Variants in KAZN observed in about 807,000 individuals in gnomAD.
KAZN encodes the protein kazrin, periplakin interacting protein.
A neutral mutation model predicts 87.4 loss-of-function variants in KAZN; 40 were observed. That is an observed-to-expected ratio of 0.46 (90% CI 0.36 to 0.60). The LOEUF (loss-of-function observed/expected upper bound fraction) is 0.60, where lower values mean the gene tolerates loss of function less well. KAZN is among the 20% of genes least tolerant of loss of function. KAZN has a pLI of 0.00. For synonymous variants in KAZN, 466 were observed against 458.3 expected (o/e 1.02, Z -0.22); for missense variants, 898 against 1,073.9 (o/e 0.84, Z 2.29).
chr1:14,490,819 T>G (rs1181633219), intron 2 of KAZN, among the ~76,000 whole-genome samples: 1 of 152,248 alleles, frequency 6.6e-6, no homozygotes, highest in Admixed American at 6.5e-5. Context: ...TCACCTGCCA[T>G]GATGCTTCCA....
chr1:14,558,106 C>T (rs1315661878), intron 2 of KAZN, among the ~76,000 whole-genome samples: 1 of 152,194 alleles, frequency 6.6e-6, no homozygotes, highest in African/African-American at 2.4e-5. Flanking sequence ...TTTTCAAGTT[C>T]TACAGTCACA....
intron 1 of KAZN, among the ~76,000 whole-genome samples, chr1:14,702,066 A>T (rs1018730384): frequency 1.1e-4 from 17 of 152,214 alleles, no homozygotes; most frequent in African/African-American, 3.4e-4. Context: ...TCATATGAGT[A>T]CATGGGTCTG....
At chr1:14,642,461 G>A (rs1557858878) in intron 1 of KAZN, among the ~76,000 whole-genome samples, 1 of 152,118 alleles carries the variant, frequency 6.6e-6, no homozygotes, top group Non-Finnish European at 1.5e-5. Context: ...AGTTAACACG[G>A]CATGTGCTCA....
chr1:15,068,416 C>T (rs1325846241), intron 8 of KAZN, among the ~76,000 whole-genome samples: 2 of 152,158 alleles, frequency 1.3e-5, no homozygotes, highest in Non-Finnish European at 2.9e-5. Flanking sequence ...CCACCCCCGA[C>T]CTGGCACCCT....
intron 2 of KAZN, among the ~76,000 whole-genome samples, chr1:15,026,723 GA>G (rs35459848): frequency 0.62 from 92,580 of 150,094 alleles, 29,533 homozygotes; most frequent in African/African-American, 0.8. Context: ...AAATAATTTG[GA>G]AAAAAAAAAA....
intron 1 of KAZN, among the ~76,000 whole-genome samples, chr1:14,915,595 C>G (rs574589025): frequency 6.6e-6 from 1 of 152,176 alleles, no homozygotes; most frequent in East Asian, 1.9e-4. Context: ...CCCTCTGAGT[C>G]CCCCCTCTTT....
chr1:13,896,266 A>G (rs959763442), intron 1 of KAZN, among the ~76,000 whole-genome samples: 1 of 152,186 alleles, frequency 6.6e-6, no homozygotes, highest in Non-Finnish European at 1.5e-5. Context: ...AGCCACAGAC[A>G]AAGTGTATAC....
chr1:14,125,458 G>A (rs1422221486), intron 1 of KAZN, among the ~76,000 whole-genome samples: 2 of 152,168 alleles, frequency 1.3e-5, no homozygotes, highest in African/African-American at 4.8e-5. Flanking sequence ...GGATCGTCCA[G>A]GTGGGCTTAA....
intron 1 of KAZN, among the ~76,000 whole-genome samples, chr1:14,050,657 G>A (rs1642289799): frequency 6.6e-6 from 1 of 152,166 alleles, no homozygotes; most frequent in Admixed American, 6.5e-5. Flanking sequence ...AATTCGAGAT[G>A]AGATTTGGGT....
At chr1:14,849,902 A>G (rs186421942) in intron 1 of KAZN, among the ~76,000 whole-genome samples, 4 of 152,066 alleles carry the variant, frequency 2.6e-5, no homozygotes, top group Admixed American at 2.0e-4. Flanking sequence ...ACTGCTTGCA[A>G]TAAAGAAAGG....
intron 2 of KAZN, among the ~76,000 whole-genome samples, chr1:14,273,633 A>G (rs16853862): frequency 0.021 from 3,192 of 152,306 alleles, 121 homozygotes; most frequent in African/African-American, 0.072. Context: ...CAAAAATAAT[A>G]TCCTGTGTTC....
rs1481014429 is a variant in KAZN, at chr1:14,569,606, G to A, written c.250-29377G>A. Among the ~76,000 whole-genome samples the A allele has an allele frequency of 9.9e-5, 15 of 151,236 alleles. No individual in the cohort carries two copies. The East Asian group carries it at 3.0e-3, about 30-fold the overall frequency. ...CAAAGTGCTAGGATTACAGGCATGAGCCACCGCGCCCAGCCACCTCCTCTA... is the reference window on the plus strand; with the variant it reads ...CAAAGTGCTAGGATTACAGGCATGAACCACCGCGCCCAGCCACCTCCTCTA... On this transcript the variant is annotated intron_variant, in intron 2 of 16. Transcript: ENST00000636203.
At chr1:14,695,889 T>C (rs919509024) in intron 1 of KAZN, among the ~76,000 whole-genome samples, 1 of 152,124 alleles carries the variant, frequency 6.6e-6, no homozygotes, top group African/African-American at 2.4e-5. Context: ...AGCATACATA[T>C]GTCTTGATTT....
chr1:14,218,566 A>G (rs2100487473), intron 2 of KAZN, among the ~76,000 whole-genome samples: 1 of 152,282 alleles, frequency 6.6e-6, no homozygotes, highest in East Asian at 1.9e-4. Context: ...GGAACTAATG[A>G]TTTTCCCACT....
intron 1 of KAZN, among the ~76,000 whole-genome samples, chr1:14,732,899 G>A (rs997497483): frequency 2.6e-5 from 4 of 151,994 alleles, no homozygotes; most frequent in South Asian, 2.1e-4. Flanking sequence ...CTCAGTGTTC[G>A]TTTCAAACTC....
intron 2 of KAZN, among the ~76,000 whole-genome samples, chr1:14,515,790 A>C (rs140155710): frequency 3.9e-5 from 6 of 151,988 alleles, no homozygotes; most frequent in African/African-American, 1.5e-4. Flanking sequence ...ATAACCTATC[A>C]GTCTGCTTGG....
intron 2 of KAZN, among the ~76,000 whole-genome samples, chr1:14,527,637 T>C (rs920279792): frequency 6.6e-6 from 1 of 151,568 alleles, no homozygotes; most frequent in East Asian, 1.9e-4. Flanking sequence ...CGGCATCTGC[T>C]CCTGGTGAGG....
rs183532559 is a variant in KAZN at position 14,959,245 on chromosome 1, G to T, written c.227-1439G>T. ...AGATAAATACAGCATCACACAGGGC[G>T]GTGAGAGAAGACCCTTCCACGCAGG... On this transcript the variant is annotated intron_variant, in intron 1 of 14. Transcript: ENST00000376030. Among the ~76,000 whole-genome samples, 5 of 152,194 alleles carry T rather than the reference G, an allele frequency of 3.3e-5. No homozygotes were observed. The East Asian group carries it at 9.7e-4, about 29-fold the overall frequency.
Position 14,784,323 on chromosome 1 carries a change from G to C in KAZN, c.227-176361G>C, listed in dbSNP as rs114593286. ...CCTGGCAACGCCTAGATGAGTGCTT[G>C]GTTGAATAACTGGAGACTATAACCT... On this transcript the variant is annotated intron_variant, in intron 1 of 14. Transcript: ENST00000376030. 9.3e-3 allele frequency among the ~76,000 whole-genome samples: 1,420 copies of C among 152,246 alleles called. 25 individuals are homozygous for C. The highest frequency in any genetic ancestry group is 0.031 in the African/African-American group (1,275 of 41,526).
Sources: gnomAD v4.1 joint callset for allele counts (sites outside exome capture counted in the v4.1 genomes callset) on GRCh38, gnomAD v4.1.1 for gene constraint, MANE v1.5 for transcripts, NCBI Gene and HGNC (gene_info 2026-07-23, HGNC 2026-07-21) for gene names.